OCIAD1: variants seen among roughly 807,000 people sequenced by gnomAD.
OCIAD1 encodes OCIA domain-containing protein 1.
Under a neutral mutation model 38.9 loss-of-function variants are expected in OCIAD1, and 29 were observed. That is an observed-to-expected ratio of 0.74 (90% CI 0.55 to 1.02). OCIAD1 has a LOEUF of 1.02. OCIAD1 is among the 50% of genes least tolerant of loss of function. OCIAD1 has a pLI of 0.00. For missense variants in OCIAD1, 288 were observed against 289.6 expected, an observed-to-expected ratio of 0.99 and a Z score of 0.04; for synonymous variants, 110 against 92.0, an observed-to-expected ratio of 1.20 and a Z score of -1.12.
chr4:48,848,282 A>G (rs1560432196), intron 4 of OCIAD1, 117 bp from the exon 5 acceptor site: 1 of 549,910 alleles, frequency 1.8e-6, no homozygotes, highest in Non-Finnish European at 3.2e-6. Flanking sequence ...TAAACAGTCT[A>G]GGGTTCTGTA....
intron 3 of OCIAD1, among the ~76,000 whole-genome samples, chr4:48,835,965 G>C (rs1477314078): frequency 6.6e-6 from 1 of 152,232 alleles, no homozygotes; most frequent in African/African-American, 2.4e-5. Flanking sequence ...CGGTGAGCCT[G>C]AATTGATTGG....
rs1191654694 is a variant in OCIAD1, at chr4:48,848,394, T to A, written c.194-5T>A. 9.1e-6 allele frequency: 13 copies of A among 1,425,184 alleles called. No individual in the cohort carries two copies. The highest frequency in any genetic ancestry group is 1.8e-4 in the Middle Eastern group (1 of 5,654). 88.3% of individuals were successfully genotyped at this position (1,425,184 alleles called of 1,614,324 possible). On this transcript the variant is annotated splice_polypyrimidine_tract_variant and splice_region_variant and intron_variant, in intron 4 of 8. Transcript: ENST00000264312. ...TACTCAGAAATACTTAACTCTTTTC[T>A]TTAGGAATACTTTCAAGTCATCCCA...
At chr4:48,819,144 G>A (rs189284785) in intron 1 of OCIAD1, among the ~76,000 whole-genome samples, 11 of 151,954 alleles carry the variant, frequency 7.2e-5, no homozygotes, top group African/African-American at 1.7e-4. Context: ...ACATGAAAAC[G>A]AAGGAAAAAA....
intron 7 of OCIAD1, among the ~76,000 whole-genome samples, chr4:48,854,974 G>T (rs1779888480): frequency 6.6e-6 from 1 of 152,124 alleles, no homozygotes; most frequent in African/African-American, 2.4e-5. Flanking sequence ...ATTCCTTCCA[G>T]TTCTTTATAA....
intron 3 of OCIAD1, among the ~76,000 whole-genome samples, chr4:48,839,559 C>T (rs1375599379): frequency 1.8e-4 from 28 of 151,976 alleles, no homozygotes; most frequent in Admixed American, 1.8e-3. Context: ...CTTTTCTTAT[C>T]TATAAAATGG....
intron 1 of OCIAD1, chr4:48,831,638 G>A: frequency 1.0e-6 from 1 of 962,512 alleles, no homozygotes; most frequent in Non-Finnish European, 1.5e-6. Flanking sequence ...CAGTCTTCCT[G>A]GTGTTTCTAG....
chr4:48,844,980 T>C (rs1778853928), intron 4 of OCIAD1, among the ~76,000 whole-genome samples: 1 of 152,122 alleles, frequency 6.6e-6, no homozygotes, highest in African/African-American at 2.4e-5. Context: ...TTCCTAAATA[T>C]TTTCTATCCG....
At chr4:48,828,074 C>A (rs1777268379), upstream of OCIAD1, among the ~76,000 whole-genome samples, 1 of 152,102 alleles carries the variant, frequency 6.6e-6, no homozygotes. Context: ...AATCAGTGCT[C>A]TGTGTCTGGC....
intron 1 of OCIAD1, among the ~76,000 whole-genome samples, chr4:48,820,775 A>G (rs1189857490): frequency 1.3e-5 from 2 of 152,248 alleles, no homozygotes; most frequent in South Asian, 2.1e-4. Flanking sequence ...AAACACCACT[A>G]TGCAAATAAA....
intron 1 of OCIAD1, among the ~76,000 whole-genome samples, chr4:48,811,708 T>C (rs1311384116): frequency 6.6e-6 from 1 of 152,112 alleles, no homozygotes; most frequent in Non-Finnish European, 1.5e-5. Flanking sequence ...ACTTTGAAGA[T>C]AAATCCAATA....
chr4:48,836,685 TCAA>T, intron 3 of OCIAD1, among the ~76,000 whole-genome samples: 1 of 152,246 alleles, frequency 6.6e-6, no homozygotes, highest in East Asian at 1.9e-4. Context: ...AGTGAAAGAA[TCAA>T]CAAAGACCAA....
chr4:48,859,599 C>T (rs1780420990), intron 8 of OCIAD1, among the ~76,000 whole-genome samples: 1 of 152,098 alleles, frequency 6.6e-6, no homozygotes, highest in Admixed American at 6.6e-5. Context: ...AGTTCTGTTA[C>T]ATGACACAAG....
At chr4:48,813,308 G>A (rs766019526) in intron 1 of OCIAD1, among the ~76,000 whole-genome samples, 14 of 152,186 alleles carry the variant, frequency 9.2e-5, no homozygotes, top group Non-Finnish European at 1.8e-4. Flanking sequence ...GGCAAAACAG[G>A]TAAACAAACA....
At chr4:48,850,143 C>A in intron 6 of OCIAD1, 61 bp downstream of exon 6, 1 of 1,541,578 alleles carries the variant, frequency 6.5e-7, no homozygotes, top group Non-Finnish European at 8.8e-7. Context: ...CTAGATGTTG[C>A]TATAACTCAT....
intron 1 of OCIAD1, among the ~76,000 whole-genome samples, chr4:48,810,468 CAAAAA>C (rs749988114): frequency 6.1e-4 from 26 of 42,316 alleles, no homozygotes; most frequent in Admixed American, 1.3e-3. Context: ...GACTCCATCT[CAAAAA>C]AAAAAAAAAA....
At chr4:48,819,796 A>T (rs1777176126) in intron 1 of OCIAD1, among the ~76,000 whole-genome samples, 2 of 150,968 alleles carry the variant, frequency 1.3e-5, no homozygotes, top group Admixed American at 1.3e-4. Context: ...ACCAACAAAG[A>T]TAAAAAAAGA....
At chr4:48,858,902 C>G (rs1780343628) in intron 8 of OCIAD1, among the ~76,000 whole-genome samples, 1 of 152,150 alleles carries the variant, frequency 6.6e-6, no homozygotes, top group African/African-American at 2.4e-5. Context: ...AAGTTTACCT[C>G]TAAAGGAAGA....
chr4:48,811,572 G>C (rs1355700736), intron 1 of OCIAD1, among the ~76,000 whole-genome samples: 2 of 152,176 alleles, frequency 1.3e-5, no homozygotes, highest in Non-Finnish European at 2.9e-5. Context: ...CCATTACTGA[G>C]CCTGGGAGGT....
At chr4:48,816,488 A>G (rs1308403430) in intron 1 of OCIAD1, among the ~76,000 whole-genome samples, 2 of 151,568 alleles carry the variant, frequency 1.3e-5, no homozygotes, top group South Asian at 2.1e-4. Context: ...ATCTGAGATC[A>G]CGCCACTGCA....
Sources: gnomAD v4.1 joint callset for allele counts (sites outside exome capture counted in the v4.1 genomes callset) on GRCh38, gnomAD v4.1.1 for gene constraint, MANE v1.5 for transcripts, NCBI Gene and HGNC (gene_info 2026-07-23, HGNC 2026-07-21) for gene names.